The following TBC1D19 variants were observed in gnomAD, a reference collection of about 807,000 sequenced individuals.
The protein encoded by TBC1D19 is TBC1 domain family member 19, also known as TBC1 domain family, member 19.
A neutral mutation model predicts 89.0 loss-of-function variants in TBC1D19; 60 were observed. The ratio of observed to expected loss-of-function variants is 0.67; its 90% CI spans 0.55 to 0.84. The LOEUF is 0.84. Among genes scored for constraint, TBC1D19 ranks in the 40% least tolerant of loss-of-function variants. The pLI is 0.00. For synonymous variants in TBC1D19, 189 were observed against 199.7 expected (o/e 0.95, Z 0.45); for missense variants, 500 against 610.8 (o/e 0.82, Z 1.91).
chr4:26,616,671 G>A (rs1213326764), intron 3 of TBC1D19, among the ~76,000 whole-genome samples: 4 of 151,964 alleles, frequency 2.6e-5, no homozygotes, highest in South Asian at 4.2e-4. Flanking sequence ...AGCACACTTC[G>A]TTTTACTTGT....
chr4:26,690,029 G>A (rs938927331), intron 13 of TBC1D19, among the ~76,000 whole-genome samples: 9 of 152,204 alleles, frequency 5.9e-5, no homozygotes, highest in African/African-American at 2.2e-4. Flanking sequence ...GAAATTAAAA[G>A]TGTTACTCTA....
the TBC1D19 span, among the ~76,000 whole-genome samples, chr4:26,763,333 C>T: frequency 6.6e-6 from 1 of 152,188 alleles, no homozygotes; most frequent in African/African-American, 2.4e-5. Context: ...TCAACACAGA[C>T]TTTAAGTCTG....
At chr4:26,597,306 C>A (rs1461471402) in intron 1 of TBC1D19, among the ~76,000 whole-genome samples, 5 of 152,120 alleles carry the variant, frequency 3.3e-5, no homozygotes, top group African/African-American at 1.2e-4. Context: ...ACCTCTTAAT[C>A]GTTCTGAAGT....
intron 4 of TBC1D19, among the ~76,000 whole-genome samples, chr4:26,634,232 T>C (rs1164987763): frequency 6.6e-6 from 1 of 152,126 alleles, no homozygotes; most frequent in Non-Finnish European, 1.5e-5. Flanking sequence ...CTTCCGTACA[T>C]ATCAAGCAAT....
intron 1 of TBC1D19, among the ~76,000 whole-genome samples, chr4:26,601,290 C>G (rs1740586614): frequency 6.6e-6 from 1 of 152,262 alleles, no homozygotes. Flanking sequence ...CATACAGTAT[C>G]TGTCTTTTTA....
At chr4:26,699,235 T>A (rs1406074089) in intron 13 of TBC1D19, among the ~76,000 whole-genome samples, 1 of 152,196 alleles carries the variant, frequency 6.6e-6, no homozygotes, top group Non-Finnish European at 1.5e-5. Flanking sequence ...AAGAAGACAT[T>A]TATGCAGCCA....
the TBC1D19 span, among the ~76,000 whole-genome samples, chr4:26,837,368 A>G: frequency 6.6e-6 from 1 of 152,198 alleles, no homozygotes; most frequent in Non-Finnish European, 1.5e-5. Context: ...ACTAGCAAAT[A>G]TGTAGTATTT....
At chr4:26,604,170 T>C (rs1335224347) in intron 1 of TBC1D19, among the ~76,000 whole-genome samples, 1 of 147,106 alleles carries the variant, frequency 6.8e-6, no homozygotes, top group Admixed American at 6.7e-5. Context: ...TTTTTTTTTT[T>C]TGAGACGGAG....
upstream of TBC1D19, among the ~76,000 whole-genome samples, chr4:26,583,757 GTGGT>G (rs1028270107): frequency 1.1e-4 from 17 of 152,178 alleles, no homozygotes; most frequent in African/African-American, 3.6e-4. Context: ...CTAACAATTC[GTGGT>G]TGTAATTCGC....
At chr4:26,640,851 G>C (rs912432173) in intron 7 of TBC1D19, among the ~76,000 whole-genome samples, 1 of 152,230 alleles carries the variant, frequency 6.6e-6, no homozygotes, top group Non-Finnish European at 1.5e-5. Context: ...TGGGGGAGGG[G>C]CATCCGCCAT....
At chr4:26,854,592 G>C in the TBC1D19 span, among the ~76,000 whole-genome samples, 7 of 152,190 alleles carry the variant, frequency 4.6e-5, no homozygotes, top group Non-Finnish European at 7.3e-5. Flanking sequence ...ATCTTCCTTG[G>C]AGCGTGACTT....
At chr4:26,638,463 GT>G (rs1204274007) in intron 5 of TBC1D19, among the ~76,000 whole-genome samples, 1 of 152,148 alleles carries the variant, frequency 6.6e-6, no homozygotes, top group Non-Finnish European at 1.5e-5. Flanking sequence ...CTGGATGGGG[GT>G]AAGAGAAGTA....
intron 13 of TBC1D19, among the ~76,000 whole-genome samples, chr4:26,689,063 G>C (rs974579210): frequency 1.3e-5 from 2 of 152,028 alleles, no homozygotes; most frequent in African/African-American, 4.8e-5. Flanking sequence ...ATTGGTCCCT[G>C]CTGTTTGTAT....
chr4:26,683,150 T>C (rs1478001687), intron 11 of TBC1D19, among the ~76,000 whole-genome samples: 1 of 152,200 alleles, frequency 6.6e-6, no homozygotes, highest in Admixed American at 6.5e-5. Context: ...TATTTTGTAA[T>C]AATTTAGATA....
intron 15 of TBC1D19, among the ~76,000 whole-genome samples, chr4:26,727,233 A>G (rs7672267): frequency 0.38 from 57,172 of 152,020 alleles, 11,759 homozygotes; most frequent in Non-Finnish European, 0.47. Context: ...CTAGCCAAGA[A>G]CATGACAACC....
chr4:26,713,281 A>C (rs1319298987), intron 13 of TBC1D19, among the ~76,000 whole-genome samples: 2 of 152,102 alleles, frequency 1.3e-5, no homozygotes, highest in African/African-American at 4.8e-5. Flanking sequence ...CTAAGGGTAC[A>C]GTTTAGCACT....
chr4:26,740,876 A>G (rs1718327443), intron 17 of TBC1D19: 3 of 985,210 alleles, frequency 3.0e-6, no homozygotes, highest in Middle Eastern at 5.2e-4. Flanking sequence ...CTCCATCTCC[A>G]GTTTTGCTTT....
chr4:26,728,307 AT>A (rs1239449984), intron 15 of TBC1D19, among the ~76,000 whole-genome samples: 1 of 152,194 alleles, frequency 6.6e-6, no homozygotes, highest in African/African-American at 2.4e-5. Flanking sequence ...GAGATTTAGT[AT>A]TTAGAAAGAT....
At chr4:26,642,091 A>G (rs1743584579) in intron 7 of TBC1D19, among the ~76,000 whole-genome samples, 1 of 151,984 alleles carries the variant, frequency 6.6e-6, no homozygotes, top group African/African-American at 2.4e-5. Flanking sequence ...CCACAAAGAC[A>G]CTCCTCGAGA....
Sources: gnomAD v4.1 joint callset for allele counts (sites outside exome capture counted in the v4.1 genomes callset) on GRCh38, gnomAD v4.1.1 for gene constraint, MANE v1.5 for transcripts, NCBI Gene and HGNC (gene_info 2026-07-23, HGNC 2026-07-21) for gene names.